Variants in PRKG1 observed in about 807,000 individuals in gnomAD.
PRKG1 encodes the protein cGMP-dependent protein kinase 1.
A neutral mutation model predicts 88.1 loss-of-function variants in PRKG1; 35 were observed. The ratio of observed to expected loss-of-function variants is 0.40; its 90% CI spans 0.30 to 0.53. The LOEUF (loss-of-function observed/expected upper bound fraction) is 0.53. Among genes scored for constraint, PRKG1 ranks in the 20% least tolerant of loss-of-function variants. The pLI is 0.59. For synonymous variants in PRKG1, 303 were observed against 292.5 expected (o/e 1.04, Z -0.37); for missense variants, 540 against 839.8 (o/e 0.64, Z 4.41).
At chr10:52,142,218 A>G (rs1837599790) in intron 8 of PRKG1, among the ~76,000 whole-genome samples, 1 of 152,176 alleles carries the variant, frequency 6.6e-6, no homozygotes. Context: ...GGGTGGGATT[A>G]CAGCACAGGC....
intron 2 of PRKG1, among the ~76,000 whole-genome samples, chr10:51,295,770 C>T (rs1482362802): frequency 2.6e-5 from 4 of 152,022 alleles, no homozygotes; most frequent in African/African-American, 9.7e-5. Context: ...TAAAGAAAAA[C>T]TTTCAGTTTT....
Position 51,128,387 on chromosome 10 carries a change from A to G in PRKG1, c.312-24777A>G, listed in dbSNP as rs555281529. On this transcript the variant is annotated intron_variant, in intron 1 of 17. Coordinates refer to ENST00000373980, the MANE Select transcript of PRKG1 (RefSeq NM_006258.4). ...TTTTAAGAATACGTTCATTATTTTT[A>G]TCAGTATTTTTGTGTGGGACATTAA... Among the ~76,000 whole-genome samples, 4 of 152,302 alleles carry G rather than the reference A, an allele frequency of 2.6e-5. No individual in the cohort carries two copies. In the Middle Eastern group the frequency reaches 0.01, roughly 389 times the overall value.
intron 5 of PRKG1, among the ~76,000 whole-genome samples, chr10:52,004,112 CTAAG>C (rs1844669243): frequency 6.6e-6 from 1 of 152,288 alleles, no homozygotes; most frequent in African/African-American, 2.4e-5. Context: ...GTCATTTCCT[CTAAG>C]TGTTTTAAGA....
intron 2 of PRKG1, among the ~76,000 whole-genome samples, chr10:51,271,259 A>AT (rs368680678): frequency 0.012 from 1,702 of 144,642 alleles, 18 homozygotes; most frequent in African/African-American, 0.03. Context: ...AAGAAATATG[A>AT]TTTTTTTTTT....
Position 51,802,876 on chromosome 10 carries a change from T to C in PRKG1, c.593-1709T>C, listed in dbSNP as rs183945284. 1.2e-3 allele frequency among the ~76,000 whole-genome samples: 188 copies of C among 152,252 alleles called. 5 individuals are homozygous for C. In the South Asian group the frequency reaches 0.025, roughly 20 times the overall value. On this transcript the variant is annotated intron_variant, in intron 3 of 17. Transcript: ENST00000373980. Reference sequence around the variant, plus strand: ...CTTGGCCACAATAAATACGTGTGCATGTGCATGCACTACCCCCAAACCGTG... The same window carrying C: ...CTTGGCCACAATAAATACGTGTGCACGTGCATGCACTACCCCCAAACCGTG...
intron 1 of PRKG1, among the ~76,000 whole-genome samples, chr10:51,100,227 T>G (rs1258196676): frequency 6.6e-6 from 1 of 152,200 alleles, no homozygotes; most frequent in Non-Finnish European, 1.5e-5. Flanking sequence ...TTACTTAACA[T>G]ATTCTATTGG....
At chr10:51,608,707 AACG>A (rs1272077807) in intron 3 of PRKG1, among the ~76,000 whole-genome samples, 1 of 152,216 alleles carries the variant, frequency 6.6e-6, no homozygotes, top group African/African-American at 2.4e-5. Flanking sequence ...GCTTAATTAT[AACG>A]ACATTTCTGT....
intron 3 of PRKG1, among the ~76,000 whole-genome samples, chr10:51,659,809 C>A (rs1589168481): frequency 6.6e-6 from 1 of 152,010 alleles, no homozygotes; most frequent in African/African-American, 2.4e-5. Flanking sequence ...GAATCCTAAG[C>A]TTTGTTAGTT....
chr10:51,516,847 G>A (rs562833151), intron 3 of PRKG1, among the ~76,000 whole-genome samples: 7 of 152,248 alleles, frequency 4.6e-5, no homozygotes, highest in South Asian at 2.1e-4. Flanking sequence ...TTGTACATTC[G>A]TTGAGCTTAT....
chr10:51,422,961 GTT>G (rs57764048), intron 2 of PRKG1, among the ~76,000 whole-genome samples: 1 of 146,138 alleles, frequency 6.8e-6, no homozygotes, highest in African/African-American at 2.5e-5. Flanking sequence ...ATTGAAATAG[GTT>G]TTTTTTTTTT....
Position 51,858,398 on chromosome 10 carries a change from TA to T in PRKG1, c.699-49107del, listed in dbSNP as rs377538622. Among the ~76,000 whole-genome samples the T allele has an allele frequency of 4.1e-4, 6 of 14,574 alleles. 1 individual carries two copies. The highest frequency in any genetic ancestry group is 1.4e-3 in the Non-Finnish European group (5 of 3,502). 9.6% of individuals were successfully genotyped at this position (14,574 alleles called of 152,430 possible). ...ATATAAAATATATATATAATATATA[TA>T]ATATATATAAAATATATATATAATA... On this transcript the variant is annotated intron_variant, in intron 4 of 17. Coordinates refer to ENST00000373980, the MANE Select transcript of PRKG1 (RefSeq NM_006258.4).
intron 3 of PRKG1, among the ~76,000 whole-genome samples, chr10:51,546,829 T>C (rs1842453934): frequency 6.6e-6 from 1 of 152,136 alleles, no homozygotes; most frequent in South Asian, 2.1e-4. Context: ...ACACATTTGC[T>C]TCTTCTTCCC....
Position 51,506,704 on chromosome 10 carries a change from G to A in PRKG1, c.592+38868G>A, listed in dbSNP as rs533436387. 8.5e-5 allele frequency among the ~76,000 whole-genome samples: 13 copies of A among 152,188 alleles called. No homozygotes were observed. The East Asian group carries it at 2.5e-3, about 29-fold the overall frequency. On this transcript the variant is annotated intron_variant, in intron 3 of 17. Coordinates refer to ENST00000373980, the MANE Select transcript of PRKG1 (RefSeq NM_006258.4). Reference sequence around the variant, plus strand: ...TAGGGACACTTTTACACTGTTGGTGGGACTGTAAACTAGTTCAACCCTTGT... The same window carrying A: ...TAGGGACACTTTTACACTGTTGGTGAGACTGTAAACTAGTTCAACCCTTGT...
intron 8 of PRKG1, among the ~76,000 whole-genome samples, chr10:52,152,561 T>C (rs1485941807): frequency 1.3e-5 from 2 of 152,082 alleles, no homozygotes; most frequent in African/African-American, 2.4e-5. Context: ...AGAGAAAGAA[T>C]GTTCCAGGCA....
At chr10:52,123,850 T>A (rs907901959) in intron 7 of PRKG1, among the ~76,000 whole-genome samples, 4 of 152,044 alleles carry the variant, frequency 2.6e-5, no homozygotes, top group African/African-American at 7.2e-5. Flanking sequence ...AAAAAAAAAA[T>A]AAATCCTTAG....
intron 4 of PRKG1, among the ~76,000 whole-genome samples, chr10:51,871,546 C>A (rs115349410): frequency 0.012 from 1,816 of 152,304 alleles, 42 homozygotes; most frequent in African/African-American, 0.041. Context: ...CTGTCCCAGC[C>A]CCAAGCTGTC....
At chr10:51,967,446 A>G (rs921564339) in intron 5 of PRKG1, among the ~76,000 whole-genome samples, 1 of 152,130 alleles carries the variant, frequency 6.6e-6, no homozygotes, top group Non-Finnish European at 1.5e-5. Context: ...GCATTAGGAG[A>G]TATACCTAAT....
chr10:51,586,651 A>G (rs1281367385), intron 3 of PRKG1, among the ~76,000 whole-genome samples: 1 of 152,170 alleles, frequency 6.6e-6, no homozygotes, highest in Non-Finnish European at 1.5e-5. Flanking sequence ...TGTTAAAAGT[A>G]GCTCTGTTTA....
At chr10:51,235,385 A>C (rs1347454191) in intron 2 of PRKG1, among the ~76,000 whole-genome samples, 2 of 149,006 alleles carry the variant, frequency 1.3e-5, no homozygotes, top group Non-Finnish European at 3.0e-5. Context: ...TTTGTTCTAA[A>C]TCACGTTACA....
Sources: gnomAD v4.1 joint callset for allele counts (sites outside exome capture counted in the v4.1 genomes callset) on GRCh38, gnomAD v4.1.1 for gene constraint, MANE v1.5 for transcripts, NCBI Gene and HGNC (gene_info 2026-07-23, HGNC 2026-07-21) for gene names.